The following PRPS2 variants were observed in gnomAD, a reference collection of about 807,000 sequenced individuals.
PRPS2 encodes ribose-phosphate pyrophosphokinase 2.
For missense variants in PRPS2, 104 were observed against 271.5 expected, an observed-to-expected ratio of 0.38 and a Z score of 4.34; for synonymous variants, 111 against 115.3, an observed-to-expected ratio of 0.96 and a Z score of 0.24.
intron 1 of PRPS2, among the ~76,000 whole-genome samples, chrX:12,794,563 T>G (rs1399788637): frequency 2.7e-5 from 3 of 112,059 alleles, no homozygotes; most frequent in Admixed American, 9.4e-5. Flanking sequence ...TTAGTTACCA[T>G]GCCCGTTTAT....
rs2042542514 is a variant in PRPS2, at chrX:12,796,227, T to A, written c.123-2980T>A. 4.5e-5 allele frequency among the ~76,000 whole-genome samples: 3 copies of A among 66,060 alleles called. No individual in the cohort carries two copies. The South Asian group carries it at 2.5e-3, about 55-fold the overall frequency. 57.4% of individuals were successfully genotyped at this position (66,060 alleles called of 115,157 possible). A position where few individuals can be genotyped will look rare whatever the true frequency, so the allele number is the denominator to read the frequency against. ...TATAATTGGCTCTTTTTTTTTTTTTTTTTTTTTTTTGAGACAGAGTTTCAC... is the reference window on the plus strand; with the variant it reads ...TATAATTGGCTCTTTTTTTTTTTTTATTTTTTTTTTGAGACAGAGTTTCAC... On this transcript the variant is annotated intron_variant, in intron 1 of 6. Transcript: ENST00000380668.
At chrX:12,802,753 CT>C (rs1409371826) in intron 2 of PRPS2, among the ~76,000 whole-genome samples, 1 of 112,865 alleles carries the variant, frequency 8.9e-6, no homozygotes, top group African/African-American at 3.2e-5. Context: ...TCTTTTCTTT[CT>C]TCTACCCTTT....
intron 4 of PRPS2, among the ~76,000 whole-genome samples, chrX:12,813,422 G>A (rs756115881): frequency 8.9e-6 from 1 of 112,389 alleles, no homozygotes; most frequent in African/African-American, 3.2e-5. Flanking sequence ...GTGCTAGTAG[G>A]ATACGTTCCT....
rs771707216 is a variant in PRPS2 at position 12,791,545 on chromosome X, C to A, written c.48C>A (p.Ser16=). The change falls in exon 1 of 7, where the codon TCC becomes TCA. Residue 16 remains serine (S), a synonymous_variant. Transcript: ENST00000380668. ...GCGGCAGCTCGCATCAGGACCTGTCCCAGCGCGTGGCCGACCGCCTGGGCC... is the reference window on the plus strand; with the variant it reads ...GCGGCAGCTCGCATCAGGACCTGTCACAGCGCGTGGCCGACCGCCTGGGCC... ...LFSGSSHQDL[S]QRVADRLGLE... is the part of the protein sequence containing the mutation. The A allele has an allele frequency of 8.3e-7, 1 of 1,203,422 alleles. No individual in the cohort carries two copies. The highest frequency in any genetic ancestry group is 2.2e-5 in the Admixed American group (1 of 45,724).
At chrX:12,801,602 G>GTTGT (rs948189798) in intron 2 of PRPS2, among the ~76,000 whole-genome samples, 7 of 111,624 alleles carry the variant, frequency 6.3e-5, no homozygotes, top group East Asian at 2.8e-4. Flanking sequence ...CTGGTTTTTT[G>GTTGT]TTGTTTGTTT....
At position 12,810,162 on chromosome X, in the gene PRPS2, C is replaced by T; in HGVS notation, c.530+16C>T. ...GAGCCAAAAGGTATCATGCAGGCTA[C>T]ACCTTGCAGATTTCTCCATCTGCTG... On this transcript the variant is annotated intron_variant, in intron 4 of 6. Coordinates refer to ENST00000380668, the MANE Select transcript of PRPS2 (RefSeq NM_002765.5). 8.3e-7 allele frequency: 1 copy of T among 1,207,421 alleles called. No individual in the cohort carries two copies. Among genetic ancestry groups the T allele is most frequent in the African/African-American group, 1.7e-5 (1 of 57,791 alleles).
chrX:12,803,098 G>A (rs1178997337), intron 2 of PRPS2, among the ~76,000 whole-genome samples: 1 of 112,114 alleles, frequency 8.9e-6, no homozygotes, highest in African/African-American at 3.2e-5. Context: ...AAGTGCTAGA[G>A]GCCAGAAGTC....
intron 1 of PRPS2, among the ~76,000 whole-genome samples, chrX:12,793,306 A>T (rs1005097745): frequency 6.2e-5 from 7 of 112,715 alleles, no homozygotes; most frequent in Non-Finnish European, 1.3e-4. Flanking sequence ...AGATCAGTTC[A>T]CTGCTAAGTC....
Position 12,822,783 on chromosome X carries a change from A to G in PRPS2, c.944A>G (p.His315Arg), listed in dbSNP as rs1394837396. The change falls in exon 7 of 7, where the codon CAT (histidine) becomes CGT (arginine). Residue 315 changes from histidine (H) to arginine (R), a missense_variant. Transcript: ENST00000380668. ...GAATCCGTGTCCTACCTGTTCAGCC[A>G]TGTCCCGCTATAAATCCAGAATGGG... Reference protein sequence around the residue: ...NGESVSYLFSHVPL With the variant: ...NGESVSYLFSRVPL 1 of 1,209,110 alleles carries G rather than the reference A, an allele frequency of 8.3e-7. No individual in the cohort carries two copies. The highest frequency in any genetic ancestry group is 2.2e-5 in the Admixed American group (1 of 46,036).
At chrX:12,809,742 C>G (rs1448620799) in intron 3 of PRPS2, among the ~76,000 whole-genome samples, 1 of 112,180 alleles carries the variant, frequency 8.9e-6, no homozygotes. Flanking sequence ...CAAACCTTTT[C>G]CCTCACCGTC....
intron 2 of PRPS2, among the ~76,000 whole-genome samples, chrX:12,803,275 G>A (rs943797654): frequency 2.7e-5 from 3 of 111,403 alleles, no homozygotes; most frequent in East Asian, 2.8e-4. Context: ...CAGATCTCTC[G>A]CTCACTCTCT....
intron 1 of PRPS2, among the ~76,000 whole-genome samples, chrX:12,791,904 C>A (rs1228031304): frequency 1.8e-5 from 2 of 112,899 alleles, no homozygotes; most frequent in African/African-American, 6.4e-5. Flanking sequence ...CCCGGCCTCC[C>A]AGCGGTGCCG....
intron 1 of PRPS2, among the ~76,000 whole-genome samples, chrX:12,796,213 CTTTTTTTTTT>C (rs751352461): frequency 2.6e-5 from 1 of 38,684 alleles, no homozygotes; most frequent in Admixed American, 3.3e-4. Context: ...ATAATTGGCT[CTTTTTTTTTT>C]TTTTTTTTTT....
At chrX:12,809,458 GA>G in intron 3 of PRPS2, 126 bp downstream of exon 3, 2 of 687,647 alleles carry the variant, frequency 2.9e-6, no homozygotes, top group Non-Finnish European at 4.3e-6. Context: ...TACTAAACTT[GA>G]AAATATAATT....
intron 2 of PRPS2, among the ~76,000 whole-genome samples, chrX:12,801,109 G>T (rs1394935533): frequency 9.0e-6 from 1 of 111,638 alleles, no homozygotes; most frequent in African/African-American, 3.3e-5. Flanking sequence ...GCCATTATTA[G>T]CTCACAAGCA....
At chrX:12,801,856 G>A (rs752853167) in intron 2 of PRPS2, among the ~76,000 whole-genome samples, 3 of 112,333 alleles carry the variant, frequency 2.7e-5, no homozygotes, top group Non-Finnish European at 3.8e-5. Context: ...TGATCTGCCC[G>A]CCTTGGCCTC....
chrX:12,800,769 T>C (rs2042565376), intron 2 of PRPS2, among the ~76,000 whole-genome samples: 3 of 111,885 alleles, frequency 2.7e-5, no homozygotes, highest in African/African-American at 9.8e-5. Context: ...TTTGAATTCA[T>C]ATACCAAAGT....
chrX:12,805,482 T>C (rs1228491681), intron 2 of PRPS2, among the ~76,000 whole-genome samples: 1 of 112,122 alleles, frequency 8.9e-6, no homozygotes, highest in Non-Finnish European at 1.9e-5. Flanking sequence ...TTGCAGCAGC[T>C]CCACTCTGCC....
At chrX:12,816,424 T>C (rs2042648103) in intron 4 of PRPS2, among the ~76,000 whole-genome samples, 1 of 110,888 alleles carries the variant, frequency 9.0e-6, no homozygotes, top group Non-Finnish European at 1.9e-5. Context: ...CACCTTAGCC[T>C]CCCAAGTAGC....
Sources: allele counts gnomAD v4.1 joint callset (sites outside exome capture counted in the v4.1 genomes callset), GRCh38; gene constraint gnomAD v4.1.1; transcripts MANE v1.5; gene names NCBI Gene and HGNC (gene_info 2026-07-23, HGNC 2026-07-21).